The following MAPK6 variants were observed in gnomAD, a reference collection of about 807,000 sequenced individuals.
MAPK6 encodes mitogen-activated protein kinase 6, also known as ERK-3.
In MAPK6, 19 loss-of-function variants were observed where a neutral mutation model predicts 59.3. The ratio of observed to expected loss-of-function variants is 0.32; its 90% CI spans 0.22 to 0.47. The LOEUF (loss-of-function observed/expected upper bound fraction) is 0.47. MAPK6 is among the 20% of genes least tolerant of loss of function. MAPK6 has a pLI of 1.00. For synonymous variants in MAPK6, 316 were observed against 290.3 expected (o/e 1.09, Z -0.90); for missense variants, 724 against 847.9 (o/e 0.85, Z 1.81).
chr15:52,018,555 C>G (rs558339694), upstream of MAPK6: 1 of 152,344 alleles, frequency 6.6e-6, no homozygotes, highest in South Asian at 2.1e-4. Flanking sequence ...TGCTTTTAGC[C>G]AAGTGGGCCC....
intron 3 of MAPK6, among the ~76,000 whole-genome samples, chr15:52,012,000 G>C (rs975220022): frequency 5.3e-5 from 8 of 152,144 alleles, no homozygotes; most frequent in South Asian, 2.1e-4. Context: ...ATTGTTTTCT[G>C]ATTGAATGCT....
intron 1 of MAPK6, among the ~76,000 whole-genome samples, chr15:51,973,454 G>A (rs1222356337): frequency 6.6e-6 from 1 of 151,894 alleles, no homozygotes; most frequent in Non-Finnish European, 1.5e-5. Flanking sequence ...AGGTCCTCCT[G>A]CCTCGGCCTC....
chr15:52,061,074 G>GT (rs2141126565), intron 4 of MAPK6, among the ~76,000 whole-genome samples: 1 of 152,116 alleles, frequency 6.6e-6, no homozygotes, highest in East Asian at 1.9e-4. Flanking sequence ...TGTAAATCAG[G>GT]TAAGTTTTAT....
At chr15:52,023,812 A>G (rs1443834810) in intron 1 of MAPK6, among the ~76,000 whole-genome samples, 1 of 152,102 alleles carries the variant, frequency 6.6e-6, no homozygotes, top group Non-Finnish European at 1.5e-5. Flanking sequence ...ACAGGGTTTC[A>G]TTATGTTGGC....
intron 3 of MAPK6, among the ~76,000 whole-genome samples, chr15:52,013,060 T>TATATATATATATATATATATA (rs1224403797): frequency 8.8e-6 from 1 of 113,338 alleles, no homozygotes; most frequent in Non-Finnish European, 1.8e-5. Context: ...TATATATATA[T>TATATATATATATATATATATA]TACACAAGAC....
chr15:51,991,299 A>G (rs192180202), intron 2 of MAPK6, among the ~76,000 whole-genome samples: 1 of 152,216 alleles, frequency 6.6e-6, no homozygotes. Context: ...ATCTCTTGGT[A>G]CTAATATAAC....
rs1445223382 is a variant in MAPK6, at chr15:52,064,444, T to C, written c.1610T>C (p.Leu537Pro). The C allele has an allele frequency of 1.9e-6, 3 of 1,610,764 alleles. No individual in the cohort carries two copies. The highest frequency in any genetic ancestry group is 8.5e-7 in the Non-Finnish European group (1 of 1,178,954). ...FDSFIAGTIQ[L>P]SSQHEPTDVV... ...TCCTTTATTGCAGGAACTATTCAGCTTAGTTCCCAGCATGAGCCTACTGAT... is the reference window on the plus strand; with the variant it reads ...TCCTTTATTGCAGGAACTATTCAGCCTAGTTCCCAGCATGAGCCTACTGAT... The change falls in exon 6 of 6, where the codon CTT becomes CCT. Residue 537 changes from leucine to proline, a missense_variant. By Grantham distance (98) the Leu-to-Pro change is moderately conservative. Coordinates refer to ENST00000261845, the MANE Select transcript of MAPK6 (RefSeq NM_002748.4).
At chr15:52,014,997 T>A (rs1259083341), upstream of MAPK6, among the ~76,000 whole-genome samples, 1 of 152,154 alleles carries the variant, frequency 6.6e-6, no homozygotes, top group African/African-American at 2.4e-5. Context: ...TGCTGAGAAT[T>A]GAAACTTTTT....
At chr15:51,992,306 T>TATATATATATATATA (rs369567502) in intron 2 of MAPK6, among the ~76,000 whole-genome samples, 1 of 17,376 alleles carries the variant, frequency 5.8e-5, no homozygotes, top group African/African-American at 9.9e-5. Flanking sequence ...TATATATATA[T>TATATATATATATATA]TTTTTTTTTT....
chr15:52,049,873 A>G (rs1429060073), intron 2 of MAPK6, 120 bp from the exon 3 acceptor site: 3 of 926,308 alleles, frequency 3.2e-6, no homozygotes, highest in Admixed American at 2.2e-5. Context: ...TTGGTTTCCC[A>G]AAATGCTGGG....
intron 1 of MAPK6, among the ~76,000 whole-genome samples, chr15:51,982,095 C>T (rs2057175973): frequency 6.6e-6 from 1 of 152,150 alleles, no homozygotes; most frequent in South Asian, 2.1e-4. Flanking sequence ...TCCCTGCCAA[C>T]CAAAATTTTA....
In MAPK6 at chr15:52,064,425, A is replaced by G; in HGVS notation, c.1591A>G (p.Ile531Val). 1 of 1,611,876 alleles carries G rather than the reference A, an allele frequency of 6.2e-7. No individual in the cohort carries two copies. Among genetic ancestry groups the G allele is most frequent in the Non-Finnish European group, 8.5e-7 (1 of 1,179,784 alleles). The stretch of plus-strand genomic sequence containing the variant: ...TCAGGGATTTGATTTTGATTCCTTT[A>G]TTGCAGGAACTATTCAGCTTAGTTC... ...KNQGFDFDSFIAGTIQLSSQH... is the reference protein window; with the variant it reads ...KNQGFDFDSFVAGTIQLSSQH... Residue 531 changes from isoleucine to valine, a missense_variant, in exon 6 of 6, where the codon ATT becomes GTT. Ile to Val is a conservative substitution (Grantham distance 29, BLOSUM62 3). Transcript: ENST00000261845.
At chr15:52,015,471 A>G (rs2030206638), upstream of MAPK6, among the ~76,000 whole-genome samples, 1 of 149,494 alleles carries the variant, frequency 6.7e-6, no homozygotes, top group Non-Finnish European at 1.5e-5. Context: ...TTATAGCCAC[A>G]GAATGGGATT....
intron 3 of MAPK6, among the ~76,000 whole-genome samples, chr15:52,050,894 A>C (rs573490011): frequency 1.3e-5 from 2 of 152,202 alleles, no homozygotes; most frequent in Non-Finnish European, 2.9e-5. Context: ...ATGACTAGTT[A>C]AGATGGGGTC....
chr15:52,065,062 C>G lies in MAPK6; in HGVS notation c.*62C>G. ...AAATGTGTTTTGTCTTTTTTTATTACTAGTGTTTAAGTCATTTTTTACTTG... is the reference window on the plus strand; with the variant it reads ...AAATGTGTTTTGTCTTTTTTTATTAGTAGTGTTTAAGTCATTTTTTACTTG... On this transcript the variant is annotated 3_prime_UTR_variant, in exon 6 of 6. Coordinates refer to ENST00000261845, the MANE Select transcript of MAPK6 (RefSeq NM_002748.4). 1 of 1,448,302 alleles carries G rather than the reference C, an allele frequency of 6.9e-7. No individual in the cohort carries two copies. Among genetic ancestry groups the G allele is most frequent in the Admixed American group, 2.2e-5 (1 of 45,462 alleles). The allele number at this position is 1,448,302 out of a possible 1,614,324, so 89.7% of individuals were successfully genotyped here.
At chr15:52,040,965 C>G (rs971464054) in intron 1 of MAPK6, among the ~76,000 whole-genome samples, 2 of 152,102 alleles carry the variant, frequency 1.3e-5, no homozygotes. Context: ...AAAACAATAT[C>G]GAACCAGCTA....
intron 4 of MAPK6, among the ~76,000 whole-genome samples, chr15:52,059,678 C>T (rs2032120719): frequency 6.6e-6 from 1 of 152,176 alleles, no homozygotes; most frequent in Non-Finnish European, 1.5e-5. Context: ...GGGTGGGGAC[C>T]ATGTTTTAAT....
Position 52,037,228 on chromosome 15 carries a change from G to A in MAPK6, c.-631-8602G>A, listed in dbSNP as rs906384877. On this transcript the variant is annotated intron_variant, in intron 1 of 5. Coordinates refer to ENST00000261845, the MANE Select transcript of MAPK6 (RefSeq NM_002748.4). ...GGAGAATTGTTTGAGGCAACAGAGT[G>A]AGACCCTGTCTCTTAAAGAGAATCT... Among the ~76,000 whole-genome samples, 75 of 152,298 alleles carry A rather than the reference G, an allele frequency of 4.9e-4. 1 individual carries two copies. Among genetic ancestry groups the A allele is most frequent in the Middle Eastern group, 3.4e-3 (1 of 294 alleles).
At chr15:51,999,415 C>T (rs917977147) in intron 2 of MAPK6, among the ~76,000 whole-genome samples, 6 of 152,084 alleles carry the variant, frequency 3.9e-5, no homozygotes, top group Admixed American at 2.6e-4. Flanking sequence ...GCTTATTTTC[C>T]ATTTGTATAT....
Sources: allele counts gnomAD v4.1 joint callset (sites outside exome capture counted in the v4.1 genomes callset), GRCh38; gene constraint gnomAD v4.1.1; transcripts MANE v1.5; gene names NCBI Gene and HGNC (gene_info 2026-07-23, HGNC 2026-07-21).